Variants in ATR observed in about 807,000 individuals in gnomAD.
The protein encoded by ATR is ATR checkpoint kinase.
In ATR, 142 loss-of-function variants were observed where a neutral mutation model predicts 305.3. That is an observed-to-expected ratio of 0.47 (90% CI 0.41 to 0.53). The LOEUF is 0.53. ATR is among the 20% of genes least tolerant of loss of function. ATR has a pLI of 0.00. For synonymous variants in ATR, 1,050 were observed against 1,068.1 expected (o/e 0.98, Z 0.33); for missense variants, 2,135 against 3,133.1 (o/e 0.68, Z 7.60).
chr3:142,572,072 C>CA lies in ATR; in HGVS notation c.60-3919_60-3918insT, dbSNP rs1553774294. 3.6e-5 allele frequency among the ~76,000 whole-genome samples: 5 copies of CA among 138,202 alleles called. No individual in the cohort carries two copies. In the South Asian group the frequency reaches 1.0e-3, roughly 28 times the overall value. The allele number at this position is 138,202 out of a possible 152,430, so 90.7% of individuals were successfully genotyped here. On this transcript the variant is annotated intron_variant, in intron 1 of 46. Transcript: ENST00000350721. Reference sequence around the variant, plus strand: ...TGAGCCACCGCACCCGGCCCTTTTTCTTTTTTTTTTCTTTTGAGACGGAGT... The same window carrying CA: ...TGAGCCACCGCACCCGGCCCTTTTTCATTTTTTTTTTCTTTTGAGACGGAGT...
chr3:142,465,054 A>C, intron 41 of ATR, 43 bp downstream of exon 41: 9 of 1,271,832 alleles, frequency 7.1e-6, no homozygotes, highest in Non-Finnish European at 9.1e-6. Context: ...TTTTTTTAAA[A>C]TAAAAAATAA....
At chr3:142,498,459 T>C in intron 32 of ATR, 138 bp downstream of exon 32, 1 of 767,836 alleles carries the variant, frequency 1.3e-6, no homozygotes, top group Non-Finnish European at 2.1e-6. Context: ...GATTGTGAGG[T>C]AAAAAGAATG....
At chr3:142,499,545 C>T (rs2031842392) in intron 31 of ATR, 82 bp downstream of exon 31, 2 of 1,300,984 alleles carry the variant, frequency 1.5e-6, no homozygotes, top group Non-Finnish European at 2.2e-6. Context: ...CCGCCCGCCT[C>T]AGCCGCCCAA....
intron 4 of ATR, 42 bp downstream of exon 4, chr3:142,562,189 GA>G: frequency 6.2e-7 from 1 of 1,601,342 alleles, no homozygotes; most frequent in Admixed American, 1.7e-5. Context: ...ATTAAATGAT[GA>G]ACAAAATACA....
At chr3:142,560,877 TTTAAAACAA>T (rs2034856148) in intron 5 of ATR, among the ~76,000 whole-genome samples, 1 of 152,190 alleles carries the variant, frequency 6.6e-6, no homozygotes, top group South Asian at 2.1e-4. Context: ...TATACTAAGA[TTTAAAACAA>T]TTAAAACAAT....
chr3:142,575,336 T>C (rs112592945), intron 1 of ATR, among the ~76,000 whole-genome samples: 2,722 of 152,058 alleles, frequency 0.018, 29 homozygotes, highest in South Asian at 0.04. Context: ...AATATAAAAA[T>C]TAGCTCGGTG....
At chr3:142,470,578 T>C (rs1390995036) in intron 36 of ATR, among the ~76,000 whole-genome samples, 6 of 152,148 alleles carry the variant, frequency 3.9e-5, no homozygotes, top group Admixed American at 3.9e-4. Context: ...TCACCCTAAA[T>C]CCATATTTCT....
intron 35 of ATR, among the ~76,000 whole-genome samples, chr3:142,486,196 T>C (rs560766253): frequency 6.6e-6 from 1 of 152,350 alleles, no homozygotes; most frequent in South Asian, 2.1e-4. Context: ...GAAGTTCCAC[T>C]TTTCATCTAA....
At chr3:142,487,963 G>A (rs2031047132) in intron 35 of ATR, among the ~76,000 whole-genome samples, 1 of 152,162 alleles carries the variant, frequency 6.6e-6, no homozygotes. Flanking sequence ...TGCCCCTCCA[G>A]ATAGATACAC....
intron 36 of ATR, among the ~76,000 whole-genome samples, chr3:142,481,280 C>A (rs1445115303): frequency 6.6e-6 from 1 of 152,198 alleles, no homozygotes; most frequent in East Asian, 1.9e-4. Context: ...TTGTCAAGTG[C>A]TTTCTCTGCA....
intron 35 of ATR, among the ~76,000 whole-genome samples, chr3:142,485,967 T>G (rs1033822091): frequency 2.6e-5 from 4 of 152,214 alleles, no homozygotes; most frequent in African/African-American, 7.2e-5. Context: ...TATGTTTCTG[T>G]TGTCCAAGTC....
At chr3:142,526,644 T>C (rs574555507) in intron 21 of ATR, among the ~76,000 whole-genome samples, 2 of 152,124 alleles carry the variant, frequency 1.3e-5, no homozygotes, top group Non-Finnish European at 2.9e-5. Flanking sequence ...TGTGTCAAAG[T>C]CTATTCGGCA....
At chr3:142,457,015 C>T (rs528635757) in intron 45 of ATR, among the ~76,000 whole-genome samples, 1 of 152,174 alleles carries the variant, frequency 6.6e-6, no homozygotes, top group African/African-American at 2.4e-5. Flanking sequence ...TTCACAGCCA[C>T]ACTATTTATA....
intron 31 of ATR, 132 bp from the exon 32 acceptor site, chr3:142,498,906 A>T: frequency 1.2e-6 from 1 of 865,700 alleles, no homozygotes; most frequent in Non-Finnish European, 1.8e-6. Context: ...TTTGAGACAG[A>T]GTCTCACTCT....
chr3:142,496,459 C>A lies in ATR; in HGVS notation c.5800G>T (p.Ala1934Ser), dbSNP rs2108333739. The A allele has an allele frequency of 6.2e-7, 1 of 1,612,334 alleles. No homozygotes were observed. The highest frequency in any genetic ancestry group is 8.5e-7 in the Non-Finnish European group (1 of 1,179,566). Residue 1934 changes from alanine to serine, a missense_variant, in exon 34 of 47, where the codon GCT becomes TCT. Physicochemically the swap from Ala to Ser is moderately conservative, Grantham distance 99. Around this residue, in one of 9 missense-constraint regions of ATR, gnomAD observed 462 missense variants for 887.6 expected, o/e 0.52. Transcript: ENST00000350721. The stretch of plus-strand genomic sequence containing the variant: ...TTGTAGGCTGTCTGGTGGTGACCAG[C>A]CTTTCTAGCTACCCTGGCACTCTGC... ...WLQSARVARK[A>S]GHHQTAYNAL...
intron 24 of ATR, among the ~76,000 whole-genome samples, chr3:142,517,094 T>A (rs576966815): frequency 7.2e-4 from 109 of 150,794 alleles, no homozygotes; most frequent in African/African-American, 2.6e-3. Context: ...GAGAAAAAAT[T>A]CAAATCCCTA....
rs1350034295 is a variant in ATR at position 142,538,564 on chromosome 3, C to A, written c.3643G>T (p.Val1215Leu). 6 of 1,613,534 alleles carry A rather than the reference C, an allele frequency of 3.7e-6. No homozygotes were observed. Among genetic ancestry groups the A allele is most frequent in the Non-Finnish European group, 5.1e-6 (6 of 1,179,644 alleles). Residue 1215 changes from valine (V) to leucine (L), a missense_variant, in exon 19 of 47, where the codon GTA becomes TTA. Physicochemically the swap from Val to Leu is conservative, Grantham distance 32. Around this residue, in one of 9 missense-constraint regions of ATR, gnomAD observed 530 missense variants for 766.8 expected, o/e 0.69. Coordinates refer to ENST00000350721, the MANE Select transcript of ATR (RefSeq NM_001184.4). ...ATAAGAGGTAACAAAGCTACTATTACATGACTGAGAAGGGAGCCCAGACAA... is the reference window on the plus strand; with the variant it reads ...ATAAGAGGTAACAAAGCTACTATTAAATGACTGAGAAGGGAGCCCAGACAA... ...HACLGSLLSHVIVALLPLIHI... is the reference protein window; with the variant it reads ...HACLGSLLSHLIVALLPLIHI...
intron 21 of ATR, among the ~76,000 whole-genome samples, chr3:142,532,418 T>C (rs558761794): frequency 2.4e-4 from 37 of 152,322 alleles, no homozygotes; most frequent in African/African-American, 8.9e-4. Flanking sequence ...ACCAATTATA[T>C]GGTTTCTTAA....
At chr3:142,556,616 T>C (rs2034683165) in intron 8 of ATR, 41 bp from the exon 9 acceptor site, 2 of 1,579,010 alleles carry the variant, frequency 1.3e-6, no homozygotes, top group Non-Finnish European at 1.7e-6. Flanking sequence ...TCTACTAATG[T>C]TAATTTTATG....
Sources: gnomAD v4.1 joint callset for allele counts (sites outside exome capture counted in the v4.1 genomes callset) on GRCh38, gnomAD v4.1.1 for gene constraint, gnomAD v4.1.1 regional missense constraint, MANE v1.5 for transcripts, NCBI Gene and HGNC (gene_info 2026-07-23, HGNC 2026-07-21) for gene names.